Variants in SNTG1 observed in about 807,000 individuals in gnomAD.
SNTG1 encodes gamma-1-syntrophin.
Under a neutral mutation model 74.7 loss-of-function variants are expected in SNTG1, and 39 were observed. The observed-to-expected ratio is 0.52, with a 90% CI of 0.40 to 0.68. The LOEUF (loss-of-function observed/expected upper bound fraction) is 0.68, where lower values mean the gene tolerates loss of function less well. Among genes scored for constraint, SNTG1 ranks in the 30% least tolerant of loss-of-function variants. The pLI is 0.00. For synonymous variants in SNTG1, 254 were observed against 217.1 expected (o/e 1.17, Z -1.49); for missense variants, 685 against 609.5 (o/e 1.12, Z -1.30).
chr8:50,161,771 A>G (rs916145532), intron 1 of SNTG1, among the ~76,000 whole-genome samples: 1 of 152,166 alleles, frequency 6.6e-6, no homozygotes, highest in Non-Finnish European at 1.5e-5. Flanking sequence ...AAAAAGAAAA[A>G]GAAAAAAAAA....
At chr8:49,988,456 T>C (rs1813378873) in intron 1 of SNTG1, among the ~76,000 whole-genome samples, 1 of 152,094 alleles carries the variant, frequency 6.6e-6, no homozygotes. Context: ...TATAGGTAAA[T>C]AGAGAAAATT....
At position 49,912,675 on chromosome 8, in the gene SNTG1, TG is replaced by T. The variant is rs1488817316; in HGVS notation, c.-103+447del. The stretch of plus-strand genomic sequence containing the variant: ...TTGTTATAATATACTAAACTATGCA[TG>T]GGAACAAATACATGTATACATATAC... On this transcript the variant is annotated intron_variant, in intron 1 of 18. Transcript: ENST00000642720. 2.0e-5 allele frequency among the ~76,000 whole-genome samples: 3 copies of T among 152,330 alleles called. No individual in the cohort carries two copies. The East Asian group carries it at 5.8e-4, about 29-fold the overall frequency.
chr8:50,431,239 AG>A (rs2093231817), intron 4 of SNTG1, among the ~76,000 whole-genome samples: 1 of 152,194 alleles, frequency 6.6e-6, no homozygotes, highest in Non-Finnish European at 1.5e-5. Flanking sequence ...AATATCATAT[AG>A]AATAGTTTCC....
At chr8:50,285,693 C>T (rs1014630136) in intron 2 of SNTG1, among the ~76,000 whole-genome samples, 6 of 151,756 alleles carry the variant, frequency 4.0e-5, no homozygotes, top group Non-Finnish European at 5.9e-5. Context: ...ATAAAAATGG[C>T]GACTTCTGGA....
intron 2 of SNTG1, among the ~76,000 whole-genome samples, chr8:50,212,315 T>A (rs1404557932): frequency 6.6e-6 from 1 of 152,158 alleles, no homozygotes; most frequent in African/African-American, 2.4e-5. Flanking sequence ...GCTATGTAGA[T>A]TATATCCCCT....
At chr8:50,319,068 A>G (rs2090428628) in intron 2 of SNTG1, among the ~76,000 whole-genome samples, 1 of 152,052 alleles carries the variant, frequency 6.6e-6, no homozygotes, top group East Asian at 1.9e-4. Context: ...AGATATATAT[A>G]CATATAATGT....
chr8:50,605,128 TC>T (rs2094803856), intron 13 of SNTG1, among the ~76,000 whole-genome samples: 1 of 152,128 alleles, frequency 6.6e-6, no homozygotes, highest in African/African-American at 2.4e-5. Context: ...TAAGACAAAG[TC>T]CTGTTTACTC....
intron 17 of SNTG1, among the ~76,000 whole-genome samples, chr8:50,735,124 A>G (rs1037882387): frequency 6.6e-6 from 1 of 151,400 alleles, no homozygotes; most frequent in African/African-American, 2.4e-5. Context: ...CTCTGTAACT[A>G]TTAAGCAATA....
At chr8:50,778,011 G>T (rs1278427037) in intron 18 of SNTG1, among the ~76,000 whole-genome samples, 2 of 152,034 alleles carry the variant, frequency 1.3e-5, no homozygotes, top group Non-Finnish European at 2.9e-5. Flanking sequence ...TTTCATCCAT[G>T]TCCCTACAAA....
At chr8:50,596,160 T>C (rs2094725804) in intron 13 of SNTG1, among the ~76,000 whole-genome samples, 1 of 152,056 alleles carries the variant, frequency 6.6e-6, no homozygotes, top group Non-Finnish European at 1.5e-5. Flanking sequence ...AATAGATGTG[T>C]CATGATCTGT....
At chr8:50,570,706 G>A (rs2094544520) in intron 12 of SNTG1, among the ~76,000 whole-genome samples, 1 of 151,560 alleles carries the variant, frequency 6.6e-6, no homozygotes, top group Non-Finnish European at 1.5e-5. Context: ...CCAGGTTCAA[G>A]CGATTCTTCT....
chr8:50,707,833 C>A, intron 16 of SNTG1: 2 of 372,868 alleles, frequency 5.4e-6, no homozygotes, highest in Non-Finnish European at 9.5e-6. Context: ...TACATCATGT[C>A]GTATATAAAC....
chr8:50,352,239 C>T (rs138474283), intron 2 of SNTG1, among the ~76,000 whole-genome samples: 3 of 152,096 alleles, frequency 2.0e-5, no homozygotes, highest in African/African-American at 7.2e-5. Context: ...GACTGGAAAG[C>T]AATTTTCAGA....
At chr8:50,733,312 T>C (rs2095517571) in intron 17 of SNTG1, among the ~76,000 whole-genome samples, 1 of 151,902 alleles carries the variant, frequency 6.6e-6, no homozygotes, top group South Asian at 2.1e-4. Flanking sequence ...GGTACCACAT[T>C]TTTTTTTCCA....
At chr8:50,350,206 C>A (rs967347751) in intron 2 of SNTG1, among the ~76,000 whole-genome samples, 1 of 152,108 alleles carries the variant, frequency 6.6e-6, no homozygotes, top group Admixed American at 6.5e-5. Context: ...CTGCCCCCAC[C>A]CCGTGGGCTC....
intron 1 of SNTG1, among the ~76,000 whole-genome samples, chr8:50,110,454 C>T (rs547261930): frequency 6.6e-6 from 1 of 152,262 alleles, no homozygotes; most frequent in Non-Finnish European, 1.5e-5. Flanking sequence ...GTGAGCAACA[C>T]TTGTGATTTC....
chr8:50,626,581 A>G (rs192804499), intron 13 of SNTG1, among the ~76,000 whole-genome samples: 86 of 152,380 alleles, frequency 5.6e-4, no homozygotes, highest in Admixed American at 5.4e-3. Context: ...CACTCCTTAC[A>G]GGAAACAAAG....
intron 17 of SNTG1, among the ~76,000 whole-genome samples, chr8:50,736,795 A>C (rs2095529957): frequency 6.6e-6 from 1 of 152,146 alleles, no homozygotes; most frequent in Non-Finnish European, 1.5e-5. Flanking sequence ...AACTACATGG[A>C]AACTGAACAA....
chr8:50,083,749 C>A (rs1822620669), intron 1 of SNTG1, among the ~76,000 whole-genome samples: 5 of 152,086 alleles, frequency 3.3e-5, no homozygotes, highest in Admixed American at 2.6e-4. Context: ...GTGATATAGT[C>A]CTGTTTCCTG....
Sources: allele counts gnomAD v4.1 joint callset (sites outside exome capture counted in the v4.1 genomes callset), GRCh38; gene constraint gnomAD v4.1.1; transcripts MANE v1.5; gene names NCBI Gene and HGNC (gene_info 2026-07-23, HGNC 2026-07-21).